Variants in TSHZ2 observed in about 807,000 individuals in gnomAD.
TSHZ2 encodes teashirt zinc finger homeobox 2.
TSHZ2 carries 21 observed loss-of-function variants against 74.4 expected under a neutral mutation model. That is an observed-to-expected ratio of 0.28 (90% CI 0.20 to 0.41). TSHZ2 has a LOEUF of 0.41. Ranked by LOEUF, TSHZ2 falls within the 10% of genes least tolerant of loss-of-function variation. TSHZ2 has a pLI of 1.00. For missense variants in TSHZ2, 1,244 were observed against 1,293.5 expected, an observed-to-expected ratio of 0.96 and a Z score of 0.59; for synonymous variants, 540 against 515.3, an observed-to-expected ratio of 1.05 and a Z score of -0.65.
chr20:53,179,529 G>C (rs376471664), intron 1 of TSHZ2: 8 of 152,316 alleles, frequency 5.3e-5, no homozygotes, highest in African/African-American at 1.4e-4. Flanking sequence ...CAGTTGACAA[G>C]GTTTCCGGCT....
chr20:53,141,897 C>T (rs980696290), intron 1 of TSHZ2, among the ~76,000 whole-genome samples: 5 of 152,202 alleles, frequency 3.3e-5, no homozygotes, highest in Non-Finnish European at 5.9e-5. Flanking sequence ...GCTGAGGTCG[C>T]CCTTCCCACA....
chr20:53,183,353 C>T (rs1988526830), intron 1 of TSHZ2, among the ~76,000 whole-genome samples: 1 of 152,208 alleles, frequency 6.6e-6, no homozygotes, highest in South Asian at 2.1e-4. Flanking sequence ...TGGCCATCCT[C>T]TGCGTCCCTG....
intron 2 of TSHZ2, among the ~76,000 whole-genome samples, chr20:53,447,489 C>G (rs1984599018): frequency 6.6e-6 from 1 of 152,208 alleles, no homozygotes; most frequent in African/African-American, 2.4e-5. Flanking sequence ...ACAATTATCA[C>G]AAGCAGGAAA....
chr20:53,430,450 T>C (rs1983800301), intron 2 of TSHZ2, among the ~76,000 whole-genome samples: 1 of 151,980 alleles, frequency 6.6e-6, no homozygotes, highest in African/African-American at 2.4e-5. Flanking sequence ...AAAAATATTA[T>C]ATTAAAAAAA....
Position 53,168,887 on chromosome 20 carries a change from A to G in TSHZ2, c.41-84612A>G, listed in dbSNP as rs1988123875. On this transcript the variant is annotated intron_variant, in intron 1 of 2. Transcript: ENST00000371497. ...AAAGAAGAAATAGGATTTGGCAAAC[A>G]GGTGGCATCACTTCTGCTATCATCC... 2.0e-5 allele frequency: 3 copies of G among 152,310 alleles called. No individual in the cohort carries two copies. In the South Asian group the frequency reaches 6.3e-4, roughly 32 times the overall value. 9.4% of individuals were successfully genotyped at this position (152,310 alleles called of 1,614,324 possible). A position where few individuals can be genotyped will look rare whatever the true frequency, so the allele number is the denominator to read the frequency against.
At chr20:53,289,319 G>T (rs1158035129) in intron 2 of TSHZ2, among the ~76,000 whole-genome samples, 1 of 152,064 alleles carries the variant, frequency 6.6e-6, no homozygotes. Flanking sequence ...CTTTTCCCCT[G>T]GGTAGATACC....
intron 1 of TSHZ2, among the ~76,000 whole-genome samples, chr20:53,015,321 G>A (rs1264437161): frequency 6.6e-6 from 1 of 152,158 alleles, no homozygotes; most frequent in African/African-American, 2.4e-5. Context: ...GGGAACAGTG[G>A]TTCTCAACTG....
In TSHZ2 at chr20:53,001,228, G is replaced by GTATGTGTGTGTGTGTGTGTA. The variant is rs57496923; in HGVS notation, c.40+27896_40+27897insATGTGTGTGTGTGTGTGTAT. ...TGCGTGTGTGTGTGTGTGTGTGTGT[G>GTATGTGTGTGTGTGTGTGTA]TGTGTGTGTGTGTGTGTGTGTGTGT... On this transcript the variant is annotated intron_variant, in intron 1 of 2. Transcript: ENST00000371497. Among the ~76,000 whole-genome samples the GTATGTGTGTGTGTGTGTGTA allele has an allele frequency of 2.4e-4, 35 of 143,482 alleles. 1 individual carries two copies. Among genetic ancestry groups the GTATGTGTGTGTGTGTGTGTA allele is most frequent in the African/African-American group, 4.6e-4 (17 of 36,738 alleles). The allele number at this position is 143,482 out of a possible 152,430, so 94.1% of individuals were successfully genotyped here. A position where few individuals can be genotyped will look rare whatever the true frequency, so the allele number is the denominator to read the frequency against.
intron 1 of TSHZ2, chr20:53,198,032 G>C (rs192376421): frequency 6.6e-6 from 1 of 152,022 alleles, no homozygotes; most frequent in Non-Finnish European, 1.5e-5. Flanking sequence ...ACTCCAATTC[G>C]TTCCCTTGAA....
rs1044250340 is a variant in TSHZ2 at position 53,247,461 on chromosome 20, A to G, written c.41-6038A>G. On this transcript the variant is annotated intron_variant, in intron 1 of 2. Transcript: ENST00000371497. ...ACTCCAGGCCTGGCTACCCTTGAGA[A>G]TAGCTCAGCTTCCTTGAACACTGAA... Among the ~76,000 whole-genome samples, 4 of 152,192 alleles carry G rather than the reference A, an allele frequency of 2.6e-5. No homozygotes were observed. In the South Asian group the frequency reaches 8.3e-4, roughly 32 times the overall value.
intron 1 of TSHZ2, among the ~76,000 whole-genome samples, chr20:53,177,210 G>T (rs750841926): frequency 3.3e-5 from 5 of 152,106 alleles, no homozygotes; most frequent in Non-Finnish European, 5.9e-5. Flanking sequence ...TAACCTACCT[G>T]CCTTACCAGG....
At chr20:53,130,492 G>A (rs2123381694) in intron 1 of TSHZ2, among the ~76,000 whole-genome samples, 1 of 152,256 alleles carries the variant, frequency 6.6e-6, no homozygotes, top group African/African-American at 2.4e-5. Flanking sequence ...CAGGTGTGGT[G>A]GCGTGAGCCT....
intron 2 of TSHZ2, among the ~76,000 whole-genome samples, chr20:53,407,473 G>A (rs1982894071): frequency 6.6e-6 from 1 of 152,152 alleles, no homozygotes; most frequent in African/African-American, 2.4e-5. Flanking sequence ...TTATGGACAG[G>A]CATGTGCCTA....
At chr20:53,021,773 T>C (rs1983256301) in intron 1 of TSHZ2, among the ~76,000 whole-genome samples, 1 of 152,156 alleles carries the variant, frequency 6.6e-6, no homozygotes. Context: ...AGCCATGTGC[T>C]AGATGGCAAG....
chr20:53,024,435 T>C lies in TSHZ2; in HGVS notation c.40+51102T>C, dbSNP rs182892356. Among the ~76,000 whole-genome samples, 30 of 148,790 alleles carry C rather than the reference T, an allele frequency of 2.0e-4. No homozygotes were observed. In the East Asian group the frequency reaches 5.8e-3, roughly 29 times the overall value. On this transcript the variant is annotated intron_variant, in intron 1 of 2. Coordinates refer to ENST00000371497, the MANE Select transcript of TSHZ2 (RefSeq NM_173485.6). ...ATTGTCCCTGACCTCAAATAATTAA[T>C]GGTCTAGGTAGGAGAAGAACATTAA...
At chr20:53,201,498 C>T (rs1989003717) in intron 1 of TSHZ2, among the ~76,000 whole-genome samples, 1 of 152,192 alleles carries the variant, frequency 6.6e-6, no homozygotes, top group Non-Finnish European at 1.5e-5. Flanking sequence ...CATAAAGCCC[C>T]TTTGGGTCCT....
rs567737957 is a variant in TSHZ2, at chr20:53,492,304, T to C, written c.*5169T>C. On this transcript the variant is annotated 3_prime_UTR_variant, in exon 3 of 3. Transcript: ENST00000371497. ...AACATTCAGGAATTATAGATGTGTA[T>C]GTATATTTTTTAAGTACAGAAAGTT... 1 of 152,330 alleles carries C rather than the reference T, an allele frequency of 6.6e-6. No homozygotes were observed. Among genetic ancestry groups the C allele is most frequent in the Admixed American group, 6.5e-5 (1 of 15,286 alleles). The allele number at this position is 152,330 out of a possible 1,614,324, so 9.4% of individuals were successfully genotyped here. A position where few individuals can be genotyped will look rare whatever the true frequency, so the allele number is the denominator to read the frequency against.
At chr20:53,188,700 T>G (rs1337817295) in intron 1 of TSHZ2, among the ~76,000 whole-genome samples, 2 of 152,158 alleles carry the variant, frequency 1.3e-5, no homozygotes, top group African/African-American at 2.4e-5. Flanking sequence ...CACACACATA[T>G]ACATATGAAT....
intron 1 of TSHZ2, among the ~76,000 whole-genome samples, chr20:53,080,564 C>G (rs796414534): frequency 2.0e-5 from 3 of 152,252 alleles, no homozygotes; most frequent in African/African-American, 7.2e-5. Flanking sequence ...AAGTCTTTCA[C>G]CTCGGATGAT....
Sources: allele counts gnomAD v4.1 joint callset (sites outside exome capture counted in the v4.1 genomes callset), GRCh38; gene constraint gnomAD v4.1.1; transcripts MANE v1.5; gene names NCBI Gene and HGNC (gene_info 2026-07-23, HGNC 2026-07-21).